Variants in WDPCP observed in about 807,000 individuals in gnomAD.
WDPCP encodes the protein WD repeat-containing and planar cell polarity effector protein fritz homolog.
In WDPCP, 71 loss-of-function variants were observed where a neutral mutation model predicts 93.1. The observed-to-expected ratio is 0.76, with a 90% CI of 0.63 to 0.93. The LOEUF is 0.93. WDPCP is among the 40% of genes least tolerant of loss of function. The probability of loss-of-function intolerance (pLI) is 0.00; values close to 1 mark genes in which losing one functional copy is unlikely to be tolerated. For synonymous variants in WDPCP, 315 were observed against 315.0 expected (o/e 1.00, Z 0.00); for missense variants, 844 against 887.4 (o/e 0.95, Z 0.62).
chr2:63,705,399 A>G (rs552323370), intron 2 of WDPCP, among the ~76,000 whole-genome samples: 26 of 152,164 alleles, frequency 1.7e-4, no homozygotes, highest in African/African-American at 5.1e-4. Flanking sequence ...TAGGGTGTCA[A>G]TTTTAGATCT....
intron 2 of WDPCP, among the ~76,000 whole-genome samples, chr2:63,768,921 C>T (rs1371006486): frequency 6.6e-6 from 1 of 151,950 alleles, no homozygotes; most frequent in East Asian, 1.9e-4. Context: ...GAGGGGAGAT[C>T]TCTTTGGTCC....
chr2:63,561,556 C>A (rs1706627827), intron 1 of WDPCP, among the ~76,000 whole-genome samples: 1 of 151,622 alleles, frequency 6.6e-6, no homozygotes, highest in Admixed American at 6.6e-5. Flanking sequence ...TAAAGAGCTT[C>A]TGCATAGCAA....
At chr2:63,659,693 T>G (rs1440644007) in intron 2 of WDPCP, among the ~76,000 whole-genome samples, 2 of 152,184 alleles carry the variant, frequency 1.3e-5, no homozygotes, top group African/African-American at 4.8e-5. Context: ...TTCTGTTGTT[T>G]TAAGTCACCT....
intron 2 of WDPCP, among the ~76,000 whole-genome samples, chr2:63,696,683 T>G (rs1416538048): frequency 6.6e-6 from 1 of 152,190 alleles, no homozygotes; most frequent in Non-Finnish European, 1.5e-5. Flanking sequence ...AATTGGGTAA[T>G]TGGGTAAAGA....
chr2:63,397,340 G>C (rs1693814514), intron 10 of WDPCP, among the ~76,000 whole-genome samples: 1 of 152,048 alleles, frequency 6.6e-6, no homozygotes, highest in Non-Finnish European at 1.5e-5. Context: ...AATACGAGAG[G>C]AAAAGCAGGT....
intron 1 of WDPCP, among the ~76,000 whole-genome samples, chr2:63,814,323 C>A (rs115048271): frequency 1.3e-5 from 2 of 149,306 alleles, no homozygotes; most frequent in East Asian, 3.9e-4. Context: ...ATGGATGATT[C>A]GAAAAAAAAA....
intron 2 of WDPCP, among the ~76,000 whole-genome samples, chr2:63,692,411 T>C (rs1668902222): frequency 6.6e-6 from 1 of 152,222 alleles, no homozygotes; most frequent in East Asian, 1.9e-4. Context: ...TAGAAGAAAA[T>C]AGTTTTCAAG....
intron 13 of WDPCP, among the ~76,000 whole-genome samples, chr2:63,310,586 T>C (rs1686109228): frequency 6.6e-6 from 1 of 152,188 alleles, no homozygotes; most frequent in South Asian, 2.1e-4. Flanking sequence ...GAACTTTTAT[T>C]GGAACACAGC....
intron 1 of WDPCP, among the ~76,000 whole-genome samples, chr2:63,821,757 T>C (rs941703849): frequency 6.6e-6 from 1 of 152,074 alleles, no homozygotes; most frequent in Non-Finnish European, 1.5e-5. Flanking sequence ...CATAAAATGA[T>C]AACAGTCAGT....
At chr2:63,424,491 T>C (rs1009495813) in intron 9 of WDPCP, among the ~76,000 whole-genome samples, 10 of 152,080 alleles carry the variant, frequency 6.6e-5, no homozygotes, top group Non-Finnish European at 1.0e-4. Flanking sequence ...AGTGTGTACA[T>C]AGCACAGCCT....
chr2:63,466,984 G>T (rs1699381658), intron 6 of WDPCP, among the ~76,000 whole-genome samples: 1 of 152,178 alleles, frequency 6.6e-6, no homozygotes, highest in Admixed American at 6.5e-5. Flanking sequence ...GGAAGAAAAT[G>T]TTGATTGATG....
chr2:63,383,362 G>A (rs1398700789), intron 10 of WDPCP, among the ~76,000 whole-genome samples: 1 of 152,028 alleles, frequency 6.6e-6, no homozygotes, highest in Non-Finnish European at 1.5e-5. Context: ...TAATAACAGA[G>A]CTGTGAAATA....
chr2:63,700,835 AGACCTC>A (rs1269961263), intron 2 of WDPCP, among the ~76,000 whole-genome samples: 2 of 152,310 alleles, frequency 1.3e-5, no homozygotes, highest in African/African-American at 4.8e-5. Flanking sequence ...GATTGAAACT[AGACCTC>A]TATCTCTCAC....
chr2:63,228,756 A>G (rs1210023237), intron 14 of WDPCP: 1 of 152,168 alleles, frequency 6.6e-6, no homozygotes, highest in Admixed American at 6.6e-5. Flanking sequence ...TACAAAGGAC[A>G]TGAACTCATC....
intron 14 of WDPCP, among the ~76,000 whole-genome samples, chr2:63,248,704 A>G (rs192734144): frequency 1.3e-5 from 2 of 152,234 alleles, no homozygotes; most frequent in East Asian, 3.9e-4. Flanking sequence ...GGTTTAGTTC[A>G]CTTTTCATAA....
At chr2:63,604,577 G>T in intron 3 of WDPCP, 2 of 775,744 alleles carry the variant, frequency 2.6e-6, no homozygotes, top group Non-Finnish European at 4.0e-6. Context: ...TATAACTCTT[G>T]TGTTCTCTTG....
intron 12 of WDPCP, among the ~76,000 whole-genome samples, chr2:63,329,722 T>C (rs1687838998): frequency 6.6e-6 from 1 of 152,192 alleles, no homozygotes; most frequent in African/African-American, 2.4e-5. Flanking sequence ...TTGGTACCCT[T>C]TGCCTAACAT....
chr2:63,479,723 T>C (rs1700160705), intron 6 of WDPCP, among the ~76,000 whole-genome samples: 1 of 152,002 alleles, frequency 6.6e-6, no homozygotes, highest in Non-Finnish European at 1.5e-5. Context: ...TGGGGAAAGG[T>C]TGAAAGCATT....
intron 10 of WDPCP, among the ~76,000 whole-genome samples, chr2:63,397,541 A>G (rs1693828839): frequency 6.6e-6 from 1 of 152,162 alleles, no homozygotes; most frequent in Non-Finnish European, 1.5e-5. Flanking sequence ...AGGGCTAAAA[A>G]TGGAAGCCTG....
Sources: gnomAD v4.1 joint callset for allele counts (sites outside exome capture counted in the v4.1 genomes callset) on GRCh38, gnomAD v4.1.1 for gene constraint, MANE v1.5 for transcripts, NCBI Gene and HGNC (gene_info 2026-07-23, HGNC 2026-07-21) for gene names.